Variants in LMTK2 observed in about 807,000 individuals in gnomAD.
LMTK2 encodes the protein serine/threonine-protein kinase LMTK2.
LMTK2 carries 37 observed loss-of-function variants against 127.5 expected under a neutral mutation model. That is an observed-to-expected ratio of 0.29 (90% CI 0.22 to 0.38). The LOEUF (loss-of-function observed/expected upper bound fraction) is 0.38, where lower values mean the gene tolerates loss of function less well. LMTK2 is among the 10% of genes least tolerant of loss of function. LMTK2 has a pLI of 1.00. For synonymous variants in LMTK2, 819 were observed against 810.1 expected (o/e 1.01, Z -0.19); for missense variants, 1,694 against 1,920.3 (o/e 0.88, Z 2.20).
intron 1 of LMTK2, among the ~76,000 whole-genome samples, chr7:98,114,398 C>G (rs1271924624): frequency 6.6e-6 from 1 of 151,934 alleles, no homozygotes; most frequent in Non-Finnish European, 1.5e-5. Context: ...TACCACCATG[C>G]CTGACTGATG....
intron 1 of LMTK2, among the ~76,000 whole-genome samples, chr7:98,108,943 A>AC (rs894942648): frequency 1.6e-4 from 22 of 141,908 alleles, no homozygotes; most frequent in Non-Finnish European, 2.1e-4. Context: ...GCTGACTGCA[A>AC]CCCCCCCCTT....
At chr7:98,181,638 A>G (rs889514259) in intron 7 of LMTK2, among the ~76,000 whole-genome samples, 1 of 152,148 alleles carries the variant, frequency 6.6e-6, no homozygotes. Context: ...AAAACTTCAT[A>G]TATATGGTCA....
intron 8 of LMTK2, 72 bp from the exon 9 acceptor site, chr7:98,186,805 A>G (rs1298158248): frequency 6.5e-6 from 9 of 1,378,376 alleles, no homozygotes; most frequent in South Asian, 2.6e-5. Context: ...TGAGAATACC[A>G]TGGATTTAAA....
At chr7:98,134,707 G>A (rs1295096792) in intron 1 of LMTK2, among the ~76,000 whole-genome samples, 1 of 151,768 alleles carries the variant, frequency 6.6e-6, no homozygotes, top group African/African-American at 2.4e-5. Flanking sequence ...CAGGCTTCTT[G>A]TCTGGATGAG....
In LMTK2 at chr7:98,209,536, A is replaced by AT. The variant is rs1283234636; in HGVS notation, c.*4049dup. The AT allele has an allele frequency of 3.3e-5, 5 of 152,072 alleles. No individual in the cohort carries two copies. Among genetic ancestry groups the AT allele is most frequent in the African/African-American group, 9.7e-5 (4 of 41,312 alleles). 9.4% of individuals were successfully genotyped at this position (152,072 alleles called of 1,614,324 possible). A position where few individuals can be genotyped will look rare whatever the true frequency, so the allele number is the denominator to read the frequency against. On this transcript the variant is annotated 3_prime_UTR_variant, in exon 14 of 14. Transcript: ENST00000297293. ...ATTGTGTACATTTTTAAATTGTAAGATTTTTACTGTATATTGATGCATAGT... is the reference window on the plus strand; with the variant it reads ...ATTGTGTACATTTTTAAATTGTAAGATTTTTTACTGTATATTGATGCATAGT...
At chr7:98,175,578 A>G (rs1281358149) in intron 7 of LMTK2, among the ~76,000 whole-genome samples, 1 of 152,214 alleles carries the variant, frequency 6.6e-6, no homozygotes, top group Non-Finnish European at 1.5e-5. Context: ...TAGAAAGAGA[A>G]GGCACTACCT....
chr7:98,132,218 T>A (rs1472487115), intron 1 of LMTK2, among the ~76,000 whole-genome samples: 1 of 152,068 alleles, frequency 6.6e-6, no homozygotes, highest in East Asian at 1.9e-4. Context: ...ACAGCAGCTC[T>A]CTGAACTGGT....
At chr7:98,155,968 A>G (rs1796920234) in intron 5 of LMTK2, among the ~76,000 whole-genome samples, 1 of 152,198 alleles carries the variant, frequency 6.6e-6, no homozygotes, top group South Asian at 2.1e-4. Flanking sequence ...GAAACCACGT[A>G]GCTGACATAG....
rs369078659 is a variant in LMTK2, at chr7:98,127,681, T to G, written c.104-9634T>G. Among the ~76,000 whole-genome samples the G allele has an allele frequency of 3.3e-5, 5 of 152,188 alleles. No homozygotes were observed. In the East Asian group the frequency reaches 7.7e-4, roughly 23 times the overall value. ...ATTAATGCATGGACCAAGTATATGT[T>G]AAAATAACTAAAGGAGTGGAATTGG... On this transcript the variant is annotated intron_variant, in intron 1 of 13. Coordinates refer to ENST00000297293, the MANE Select transcript of LMTK2 (RefSeq NM_014916.4).
intron 1 of LMTK2, among the ~76,000 whole-genome samples, chr7:98,136,243 T>G (rs1422553035): frequency 2.0e-5 from 3 of 152,156 alleles, no homozygotes; most frequent in African/African-American, 7.2e-5. Flanking sequence ...AGTCCATAAG[T>G]ATATACATGA....
At chr7:98,180,993 G>A (rs1475038504) in intron 7 of LMTK2, among the ~76,000 whole-genome samples, 3 of 152,192 alleles carry the variant, frequency 2.0e-5, no homozygotes, top group African/African-American at 7.2e-5. Context: ...GGGAATAGGA[G>A]CTGGGGAGCC....
intron 5 of LMTK2, among the ~76,000 whole-genome samples, chr7:98,157,219 T>C (rs1356057703): frequency 2.6e-5 from 4 of 151,200 alleles, no homozygotes; most frequent in Admixed American, 2.6e-4. Flanking sequence ...ACCACCGTAC[T>C]CTAGCTTGGA....
chr7:98,137,448 C>G lies in LMTK2; in HGVS notation c.231+6C>G. On this transcript the variant is annotated splice_donor_region_variant and intron_variant, in intron 2 of 13. Transcript: ENST00000297293. ...ACCCAGAAATAGACTTTAAGGTGAG[C>G]ACAGAGGGTAGGAACATTTAAAATG... 6.2e-7 allele frequency: 1 copy of G among 1,609,550 alleles called. No homozygotes were observed. The highest frequency in any genetic ancestry group is 8.5e-7 in the Non-Finnish European group (1 of 1,178,352).
At chr7:98,195,891 T>TA (rs1797616086) in intron 11 of LMTK2, among the ~76,000 whole-genome samples, 1 of 152,138 alleles carries the variant, frequency 6.6e-6, no homozygotes, top group African/African-American at 2.4e-5. Context: ...AGTGGATGTT[T>TA]AAAAAATGAA....
intron 6 of LMTK2, among the ~76,000 whole-genome samples, chr7:98,168,160 G>C (rs1201450374): frequency 6.6e-6 from 1 of 152,078 alleles, no homozygotes; most frequent in Non-Finnish European, 1.5e-5. Flanking sequence ...GGAGAAAGAA[G>C]TGGAGGGCTG....
intron 6 of LMTK2, among the ~76,000 whole-genome samples, chr7:98,163,293 T>C: frequency 8.6e-6 from 1 of 116,166 alleles, no homozygotes; most frequent in African/African-American, 2.9e-5. Context: ...TTTTATGCAT[T>C]TTTTTTTACC....
intron 6 of LMTK2, among the ~76,000 whole-genome samples, chr7:98,162,935 A>G (rs1200865181): frequency 2.6e-5 from 4 of 152,202 alleles, no homozygotes; most frequent in African/African-American, 9.7e-5. Flanking sequence ...CTCTCTGTGC[A>G]ATGGAGGATT....
At chr7:98,185,732 C>CT (rs200304210) in intron 8 of LMTK2, among the ~76,000 whole-genome samples, 53 of 144,286 alleles carry the variant, frequency 3.7e-4, no homozygotes, top group East Asian at 6.1e-4. Context: ...CTTTTCCTTT[C>CT]TTTTTTTTTT....
intron 1 of LMTK2, among the ~76,000 whole-genome samples, chr7:98,111,117 T>G (rs1796196292): frequency 6.6e-6 from 1 of 152,368 alleles, no homozygotes; most frequent in Non-Finnish European, 1.5e-5. Flanking sequence ...CTAAATATGC[T>G]CATTTGAACA....
Sources: allele counts gnomAD v4.1 joint callset (sites outside exome capture counted in the v4.1 genomes callset), GRCh38; gene constraint gnomAD v4.1.1; transcripts MANE v1.5; gene names NCBI Gene and HGNC (gene_info 2026-07-23, HGNC 2026-07-21).